COX7B2: variants seen among roughly 807,000 people sequenced by gnomAD.
COX7B2 encodes the protein cytochrome c oxidase subunit 7B2.
For missense variants in COX7B2, 109 were observed against 95.9 expected (o/e 1.14, Z -0.57); for synonymous variants, 37 against 32.1 (o/e 1.15, Z -0.51).
At chr4:46,839,387 G>A (rs563430059) in intron 2 of COX7B2, among the ~76,000 whole-genome samples, 1 of 151,948 alleles carries the variant, frequency 6.6e-6, no homozygotes, top group African/African-American at 2.4e-5. Context: ...GTCATCCCCA[G>A]CCCCTCCTTC....
chr4:46,903,137 A>G (rs1412736089), intron 1 of COX7B2, among the ~76,000 whole-genome samples: 1 of 152,234 alleles, frequency 6.6e-6, no homozygotes, highest in Non-Finnish European at 1.5e-5. Context: ...TCCAAAAACT[A>G]AATCACCTTG....
chr4:46,867,293 A>G (rs1424992139), intron 1 of COX7B2, among the ~76,000 whole-genome samples: 1 of 152,178 alleles, frequency 6.6e-6, no homozygotes, highest in Admixed American at 6.6e-5. Flanking sequence ...TCCCTTTAAC[A>G]TTAAGGAGTA....
intron 2 of COX7B2, among the ~76,000 whole-genome samples, chr4:46,784,681 G>C (rs971141607): frequency 6.6e-6 from 1 of 152,118 alleles, no homozygotes; most frequent in African/African-American, 2.4e-5. Context: ...CTATATTACT[G>C]ATAACCACCT....
intron 2 of COX7B2, among the ~76,000 whole-genome samples, chr4:46,747,869 T>C (rs1033743995): frequency 6.6e-6 from 1 of 152,148 alleles, no homozygotes; most frequent in African/African-American, 2.4e-5. Context: ...ATAAAATTTG[T>C]CTTTAACGTT....
chr4:46,863,401 A>C (rs1717451263), intron 1 of COX7B2, among the ~76,000 whole-genome samples: 1 of 152,182 alleles, frequency 6.6e-6, no homozygotes, highest in Non-Finnish European at 1.5e-5. Context: ...AGTCATGATA[A>C]AGTTTGTAAA....
chr4:46,905,733 CA>C (rs2109907367), intron 1 of COX7B2, among the ~76,000 whole-genome samples: 1 of 151,162 alleles, frequency 6.6e-6, no homozygotes, highest in East Asian at 1.9e-4. Context: ...TCTGAGCCCT[CA>C]GTTTCTGCCA....
intron 2 of COX7B2, among the ~76,000 whole-genome samples, chr4:46,742,603 G>A (rs1053863372): frequency 3.3e-5 from 5 of 152,130 alleles, no homozygotes; most frequent in African/African-American, 9.7e-5. Context: ...TTGATGGATA[G>A]TACAACCATT....
intron 1 of COX7B2, among the ~76,000 whole-genome samples, chr4:46,873,864 C>G (rs1718160310): frequency 6.6e-6 from 1 of 152,124 alleles, no homozygotes; most frequent in Admixed American, 6.6e-5. Flanking sequence ...TGTTCCCCAC[C>G]CTGTGTCCAA....
At position 46,874,137 on chromosome 4, in the gene COX7B2, T is replaced by A. The variant is rs184896704; in HGVS notation, c.-104-29123A>T. On this transcript the variant is annotated intron_variant, in intron 1 of 2. Coordinates refer to ENST00000355591, the MANE Select transcript of COX7B2 (RefSeq NM_130902.3). ...TCCATACATTTCGTTGTCTTTTTTTTAAAAAAAGAAAGCATGGGCATTCAG... is the reference window on the plus strand; with the variant it reads ...TCCATACATTTCGTTGTCTTTTTTTAAAAAAAAGAAAGCATGGGCATTCAG... Among the ~76,000 whole-genome samples the A allele has an allele frequency of 2.6e-3, 391 of 152,132 alleles. 2 individuals are homozygous for A. The highest frequency in any genetic ancestry group is 5.5e-3 in the African/African-American group (230 of 41,486).
At chr4:46,876,556 G>C (rs945484094) in intron 1 of COX7B2, 1 of 151,736 alleles carries the variant, frequency 6.6e-6, no homozygotes, top group African/African-American at 2.4e-5. Flanking sequence ...AGGAGCCCAC[G>C]ACCACGCTTG....
At chr4:46,746,592 C>T (rs942684823) in intron 2 of COX7B2, among the ~76,000 whole-genome samples, 2 of 152,200 alleles carry the variant, frequency 1.3e-5, no homozygotes, top group African/African-American at 4.8e-5. Flanking sequence ...ACTAGATTTT[C>T]TAAAGTTTCT....
chr4:46,748,115 T>G (rs1441342290), intron 2 of COX7B2, among the ~76,000 whole-genome samples: 1 of 152,220 alleles, frequency 6.6e-6, no homozygotes, highest in African/African-American at 2.4e-5. Context: ...TTAAAAATCT[T>G]GGAACCAATA....
At chr4:46,900,022 A>G (rs1247066626) in intron 1 of COX7B2, among the ~76,000 whole-genome samples, 1 of 152,152 alleles carries the variant, frequency 6.6e-6, no homozygotes, top group East Asian at 1.9e-4. Flanking sequence ...ATTTCTCATA[A>G]AAACATTTTC....
intron 1 of COX7B2, among the ~76,000 whole-genome samples, chr4:46,849,145 C>T (rs1162607579): frequency 6.6e-6 from 1 of 152,052 alleles, no homozygotes; most frequent in Non-Finnish European, 1.5e-5. Context: ...ACTATACACA[C>T]ACAGACACAC....
chr4:46,897,628 C>T (rs1290000133), intron 1 of COX7B2, among the ~76,000 whole-genome samples: 1 of 152,178 alleles, frequency 6.6e-6, no homozygotes, highest in Non-Finnish European at 1.5e-5. Flanking sequence ...GCTGTCAACT[C>T]AGCACTGCTG....
At chr4:46,904,299 A>C (rs147910174) in intron 1 of COX7B2, among the ~76,000 whole-genome samples, 2 of 152,292 alleles carry the variant, frequency 1.3e-5, no homozygotes, top group African/African-American at 4.8e-5. Context: ...AACTCACATG[A>C]TAGGCAAAAG....
chr4:46,774,499 T>C (rs1160733080), intron 2 of COX7B2, among the ~76,000 whole-genome samples: 1 of 152,140 alleles, frequency 6.6e-6, no homozygotes, highest in Non-Finnish European at 1.5e-5. Flanking sequence ...GTAGGGGACG[T>C]GACTTTAAAG....
chr4:46,753,052 T>A (rs188512410), intron 2 of COX7B2, among the ~76,000 whole-genome samples: 58 of 152,192 alleles, frequency 3.8e-4, no homozygotes, highest in African/African-American at 1.3e-3. Flanking sequence ...GGTCCTGGAC[T>A]TTTTTTGGTT....
chr4:46,817,717 A>G (rs1719627966), intron 2 of COX7B2, among the ~76,000 whole-genome samples: 1 of 152,166 alleles, frequency 6.6e-6, no homozygotes, highest in South Asian at 2.1e-4. Flanking sequence ...GCAGAGTCAG[A>G]CTCAATGAAA....
Sources: allele counts gnomAD v4.1 joint callset (sites outside exome capture counted in the v4.1 genomes callset), GRCh38; gene constraint gnomAD v4.1.1; transcripts MANE v1.5; gene names NCBI Gene and HGNC (gene_info 2026-07-23, HGNC 2026-07-21).